Variants in LSM14A observed in about 807,000 individuals in gnomAD.
The protein encoded by LSM14A is LSM14A mRNA processing body assembly factor.
A neutral mutation model predicts 52.4 loss-of-function variants in LSM14A; 14 were observed. The observed-to-expected ratio is 0.27, with a 90% CI of 0.18 to 0.42. The LOEUF (loss-of-function observed/expected upper bound fraction) is 0.42, where lower values mean the gene tolerates loss of function less well. Ranked by LOEUF, LSM14A falls within the 10% of genes least tolerant of loss-of-function variation. The pLI is 1.00. For missense variants in LSM14A, 417 were observed against 581.8 expected (o/e 0.72, Z 2.91); for synonymous variants, 185 against 200.3 (o/e 0.92, Z 0.64).
rs577264564 is a variant in LSM14A at position 34,179,665 on chromosome 19, A to G, written c.121+6902A>G. ...TTTCTAAGTCGGAAGTAAAGAAAAC[A>G]GCATAAAACTGAAGAAAAAAAATAG... is the stretch of plus-strand genomic sequence containing the variant. On this transcript the variant is annotated intron_variant, in intron 1 of 9. Coordinates refer to ENST00000544216, the MANE Select transcript of LSM14A (RefSeq NM_015578.4). 2.6e-5 allele frequency among the ~76,000 whole-genome samples: 4 copies of G among 152,326 alleles called. No homozygotes were observed. In the South Asian group the frequency reaches 8.3e-4, roughly 32 times the overall value.
chr19:34,203,485 TA>T (rs2071450321), intron 3 of LSM14A, among the ~76,000 whole-genome samples: 1 of 152,000 alleles, frequency 6.6e-6, no homozygotes, highest in African/African-American at 2.4e-5. Context: ...TTTCAACCAT[TA>T]TGGATGTTAA....
chr19:34,193,155 T>C (rs2070576846), intron 1 of LSM14A, among the ~76,000 whole-genome samples: 1 of 152,006 alleles, frequency 6.6e-6, no homozygotes, highest in African/African-American at 2.4e-5. Context: ...ACTTGGGGAT[T>C]TGGTTATTTT....
intron 1 of LSM14A, among the ~76,000 whole-genome samples, chr19:34,192,319 G>GTTGTTTTTTTT (rs60512063): frequency 3.7e-5 from 2 of 53,408 alleles, no homozygotes; most frequent in African/African-American, 1.6e-4. Context: ...TCTTTTTGTT[G>GTTGTTTTTTTT]TTTTTTTTTT....
Position 34,215,515 on chromosome 19 carries a change from G to GT in LSM14A, c.716-78dup, listed in dbSNP as rs1302747630. ...GGCTTTGTTTTGGGTTTTTTGGTTT[G>GT]TTTGTTTGCATTTCTAACTATGGAA... On this transcript the variant is annotated intron_variant, in intron 5 of 9. Transcript: ENST00000544216. The GT allele has an allele frequency of 3.9e-6, 5 of 1,294,446 alleles. No individual in the cohort carries two copies. In the East Asian group the frequency reaches 1.2e-4, roughly 30 times the overall value. The allele number at this position is 1,294,446 out of a possible 1,614,324, so 80.2% of individuals were successfully genotyped here. A position where few individuals can be genotyped will look rare whatever the true frequency, so the allele number is the denominator to read the frequency against.
chr19:34,224,054 C>T (rs2073208560), intron 9 of LSM14A, among the ~76,000 whole-genome samples: 1 of 152,102 alleles, frequency 6.6e-6, no homozygotes, highest in Admixed American at 6.6e-5. Flanking sequence ...CTCAGCTGGG[C>T]GTGGTGGCTC....
At position 34,173,354 on chromosome 19, in the gene LSM14A, C is replaced by A. The variant is rs981199782; in HGVS notation, c.121+591C>A. On this transcript the variant is annotated intron_variant, in intron 1 of 9. Transcript: ENST00000544216. ...TGGTATTTACCTGTTAAACCGGAAT[C>A]CTCAAAGCCTGTTGTGCAACCACCT... Among the ~76,000 whole-genome samples the A allele has an allele frequency of 5.3e-5, 8 of 152,296 alleles. No homozygotes were observed. In the East Asian group the frequency reaches 1.4e-3, roughly 26 times the overall value.
At chr19:34,202,404 G>T (rs1336890711) in intron 3 of LSM14A, among the ~76,000 whole-genome samples, 1 of 150,694 alleles carries the variant, frequency 6.6e-6, no homozygotes, top group African/African-American at 2.4e-5. Context: ...GAGGTGGGGG[G>T]ATTGCTTGAG....
intron 9 of LSM14A, 38 bp downstream of exon 9, chr19:34,221,776 T>G (rs2073081759): frequency 6.3e-7 from 1 of 1,579,932 alleles, no homozygotes; most frequent in Non-Finnish European, 8.6e-7. Flanking sequence ...GGGGTTGACA[T>G]GCATTTTACA....
chr19:34,192,316 GTTGTTTTTTTT>G (rs1180942965), intron 1 of LSM14A, among the ~76,000 whole-genome samples: 6 of 65,822 alleles, frequency 9.1e-5, no homozygotes, highest in Admixed American at 2.2e-4. Flanking sequence ...CATTCTTTTT[GTTGTTTTTTTT>G]TTTTTTTTTT....
At chr19:34,182,430 C>G (rs558838450) in intron 1 of LSM14A, among the ~76,000 whole-genome samples, 51 of 152,014 alleles carry the variant, frequency 3.4e-4, no homozygotes, top group Non-Finnish European at 6.2e-4. Flanking sequence ...ATTTAGAATT[C>G]TCTATTCCTG....
At chr19:34,211,510 G>C (rs1260629) in intron 4 of LSM14A, among the ~76,000 whole-genome samples, 52,431 of 151,940 alleles carry the variant, frequency 0.35, 9,476 homozygotes, top group African/African-American at 0.38. Context: ...ATATCTTATT[G>C]CTAGATAGAA....
At chr19:34,218,396 T>C (rs1599718924) in intron 6 of LSM14A, among the ~76,000 whole-genome samples, 1 of 152,308 alleles carries the variant, frequency 6.6e-6, no homozygotes, top group African/African-American at 2.4e-5. Flanking sequence ...GTTTCAAACA[T>C]CCTACTTATC....
At chr19:34,209,908 A>G (rs2072009077) in intron 4 of LSM14A, among the ~76,000 whole-genome samples, 1 of 150,902 alleles carries the variant, frequency 6.6e-6, no homozygotes, top group Non-Finnish European at 1.5e-5. Flanking sequence ...GTGGCTATTT[A>G]CAGATGTGAT....
At chr19:34,207,806 G>A (rs1599701840) in intron 3 of LSM14A, among the ~76,000 whole-genome samples, 2 of 152,284 alleles carry the variant, frequency 1.3e-5, no homozygotes, top group East Asian at 3.9e-4. Flanking sequence ...TGGGATTACA[G>A]GTGTGAGCCA....
intron 9 of LSM14A, chr19:34,226,265 T>G: frequency 1.2e-6 from 1 of 820,694 alleles, no homozygotes; most frequent in Non-Finnish European, 1.8e-6. Flanking sequence ...CTGTGTTTCC[T>G]CAGATGGGGT....
rs907057134 is a variant in LSM14A, at chr19:34,178,971, T to C, written c.121+6208T>C. Among the ~76,000 whole-genome samples, 4 of 152,234 alleles carry C rather than the reference T, an allele frequency of 2.6e-5. 1 individual carries two copies. The highest frequency in any genetic ancestry group is 4.8e-5 in the African/African-American group (2 of 41,472). On this transcript the variant is annotated intron_variant, in intron 1 of 9. Transcript: ENST00000544216. ...AGTGGTGACATGTATGAATATTTTA[T>C]GGAATAGTTCCAGTTGTGTTTGCAC...
intron 1 of LSM14A, among the ~76,000 whole-genome samples, chr19:34,190,740 C>T (rs888324174): frequency 7.9e-5 from 12 of 152,036 alleles, no homozygotes; most frequent in African/African-American, 2.9e-4. Flanking sequence ...TATTTCTATT[C>T]TAGAACCAAA....
chr19:34,175,693 A>C (rs974165918), intron 1 of LSM14A, among the ~76,000 whole-genome samples: 5 of 152,222 alleles, frequency 3.3e-5, no homozygotes, highest in African/African-American at 1.2e-4. Context: ...CACATTTCAG[A>C]TTTCAAGATT....
intron 8 of LSM14A, among the ~76,000 whole-genome samples, chr19:34,220,718 C>T (rs534537929): frequency 6.6e-6 from 1 of 152,284 alleles, no homozygotes; most frequent in African/African-American, 2.4e-5. Context: ...CTGAGTCCCA[C>T]GATTGGCTGG....
Sources: gnomAD v4.1 joint callset for allele counts (sites outside exome capture counted in the v4.1 genomes callset) on GRCh38, gnomAD v4.1.1 for gene constraint, MANE v1.5 for transcripts, NCBI Gene and HGNC (gene_info 2026-07-23, HGNC 2026-07-21) for gene names.